SLIT1: variants seen among roughly 807,000 people sequenced by gnomAD.
SLIT1 encodes slit guidance ligand 1.
In SLIT1, 66 loss-of-function variants were observed where a neutral mutation model predicts 186.1. The observed-to-expected ratio is 0.35, with a 90% confidence interval of 0.29 to 0.44. The LOEUF is 0.44. Ranked by LOEUF, SLIT1 falls within the 20% of genes least tolerant of loss-of-function variation. The pLI is 1.00. For missense variants in SLIT1, 1,638 were observed against 2,037.4 expected, an observed-to-expected ratio of 0.80 and a Z score of 3.77; for synonymous variants, 761 against 833.8, an observed-to-expected ratio of 0.91 and a Z score of 1.50.
chr10:97,104,655 C>T (rs1364045770), intron 4 of SLIT1, among the ~76,000 whole-genome samples: 1 of 152,078 alleles, frequency 6.6e-6, no homozygotes, highest in Admixed American at 6.5e-5. Context: ...GCCCCCACCC[C>T]ACCACACGTG....
At chr10:97,019,599 T>G (rs922392839) in intron 26 of SLIT1, among the ~76,000 whole-genome samples, 2 of 152,174 alleles carry the variant, frequency 1.3e-5, no homozygotes, top group Non-Finnish European at 2.9e-5. Context: ...GCTCTGCAGG[T>G]TGGCCACACC....
intron 4 of SLIT1, among the ~76,000 whole-genome samples, chr10:97,096,377 G>A (rs1298884059): frequency 1.3e-5 from 2 of 151,408 alleles, no homozygotes; most frequent in East Asian, 1.9e-4. Context: ...TCACGCCCTC[G>A]AGCCCCCCCG....
chr10:97,168,720 A>G (rs2134734053), intron 1 of SLIT1, among the ~76,000 whole-genome samples: 1 of 152,236 alleles, frequency 6.6e-6, no homozygotes, highest in East Asian at 1.9e-4. Flanking sequence ...GGAGGAATAC[A>G]TTCCTGTAAA....
intron 4 of SLIT1, among the ~76,000 whole-genome samples, chr10:97,145,239 T>A (rs1022036913): frequency 6.6e-6 from 1 of 152,080 alleles, no homozygotes; most frequent in African/African-American, 2.4e-5. Context: ...CGCCTCAGCC[T>A]CCCAAGTAGC....
intron 4 of SLIT1, among the ~76,000 whole-genome samples, chr10:97,123,222 G>A (rs1849575242): frequency 6.6e-6 from 1 of 152,198 alleles, no homozygotes; most frequent in Non-Finnish European, 1.5e-5. Flanking sequence ...CTTCCCTAAA[G>A]GGATTGCCAA....
At chr10:97,144,211 G>T (rs1412385682) in intron 4 of SLIT1, among the ~76,000 whole-genome samples, 3 of 147,112 alleles carry the variant, frequency 2.0e-5, no homozygotes, top group African/African-American at 7.5e-5. Context: ...AAAAAAAAAA[G>T]ATTAGATTAA....
chr10:97,042,362 T>A (rs1369789790), intron 20 of SLIT1, among the ~76,000 whole-genome samples: 1 of 152,096 alleles, frequency 6.6e-6, no homozygotes, highest in African/African-American at 2.4e-5. Flanking sequence ...AAAAATCTGC[T>A]TCCTACAGTG....
At chr10:97,108,492 A>G (rs754910073) in intron 4 of SLIT1, among the ~76,000 whole-genome samples, 1 of 152,190 alleles carries the variant, frequency 6.6e-6, no homozygotes, top group Non-Finnish European at 1.5e-5. Flanking sequence ...GTGTGTCTGC[A>G]GTGCCCCCAG....
chr10:97,058,696 G>A (rs1848863851), intron 11 of SLIT1, among the ~76,000 whole-genome samples: 1 of 152,186 alleles, frequency 6.6e-6, no homozygotes, highest in Non-Finnish European at 1.5e-5. Context: ...TACTTGCCAG[G>A]CCTCTAGTCT....
Position 97,001,181 on chromosome 10 carries a change from G to A in SLIT1, c.4536C>T (p.Cys1512=). 6.2e-7 allele frequency: 1 copy of A among 1,613,302 alleles called. No homozygotes were observed. The highest frequency in any genetic ancestry group is 8.5e-7 in the Non-Finnish European group (1 of 1,179,868). The part of the protein sequence containing the change: ...RLKRRKFTFE[C]SDGTSFAEEV... ...CCTCGGCAAAAGAGGTCCCATCGCT[G>A]CACTCAAAGGTGAACTTCCTCCGCT... is the stretch of plus-strand genomic sequence containing the variant. Residue 1512 remains cysteine (C), a synonymous_variant, in exon 37 of 37, where the codon TGC becomes TGT. Transcript: ENST00000266058.
intron 14 of SLIT1, 96 bp from the exon 15 acceptor site, chr10:97,048,092 C>T: frequency 4.4e-6 from 6 of 1,367,496 alleles, no homozygotes; most frequent in Non-Finnish European, 5.2e-6. Context: ...GAAGGCACCC[C>T]AGACAGGGCT....
At position 97,057,297 on chromosome 10, in the gene SLIT1, C is replaced by T; in HGVS notation, c.1086-16G>A. The T allele has an allele frequency of 6.2e-7, 1 of 1,612,236 alleles. No homozygotes were observed. The stretch of plus-strand genomic sequence containing the variant: ...ATAGAGGACCCTGGAGAAAAGGCAG[C>T]AGAGAGGAGGGTTAGAGGACAGCCC... On this transcript the variant is annotated splice_polypyrimidine_tract_variant and intron_variant, in intron 11 of 36. Coordinates refer to ENST00000266058, the MANE Select transcript of SLIT1 (RefSeq NM_003061.3).
In SLIT1 at chr10:97,184,042, A is replaced by G. The variant is rs1449846062; in HGVS notation, c.197+1436T>C. Among the ~76,000 whole-genome samples, 1 of 151,236 alleles carries G rather than the reference A, an allele frequency of 6.6e-6. No individual in the cohort carries two copies. The highest frequency in any genetic ancestry group is 1.5e-5 in the Non-Finnish European group (1 of 67,760). The stretch of plus-strand genomic sequence containing the variant: ...ACCACACACACACACACACACACAC[A>G]CACACACACACACACACTTCCCATC... On this transcript the variant is annotated intron_variant, in intron 1 of 36. Coordinates refer to ENST00000266058, the MANE Select transcript of SLIT1 (RefSeq NM_003061.3). The surrounding 1 kb of genome is among the most constrained non-coding windows in gnomAD (Gnocchi z 4.4).
chr10:97,038,439 A>G (rs1356117214), intron 21 of SLIT1, among the ~76,000 whole-genome samples: 1 of 151,794 alleles, frequency 6.6e-6, no homozygotes, highest in Non-Finnish European at 1.5e-5. Flanking sequence ...TCTGGCCTCC[A>G]CTCTACTCAC....
At chr10:97,123,424 T>C (rs111769447) in intron 4 of SLIT1, among the ~76,000 whole-genome samples, 3 of 152,304 alleles carry the variant, frequency 2.0e-5, no homozygotes, top group African/African-American at 7.2e-5. Context: ...GACTGGGCCA[T>C]TCCTTTCCTC....
intron 4 of SLIT1, among the ~76,000 whole-genome samples, chr10:97,086,710 GGAGA>G (rs1849163583): frequency 6.6e-6 from 1 of 152,138 alleles, no homozygotes; most frequent in African/African-American, 2.4e-5. Flanking sequence ...GCAAAATTAT[GGAGA>G]GAGTAAAAAA....
intron 4 of SLIT1, among the ~76,000 whole-genome samples, chr10:97,101,790 C>G (rs1849356858): frequency 6.6e-6 from 1 of 152,232 alleles, no homozygotes. Flanking sequence ...GTTTGCATGT[C>G]TGGTGTGTTG....
chr10:97,158,086 C>T (rs41299153), intron 3 of SLIT1, among the ~76,000 whole-genome samples, 197 bp from the exon 4 acceptor site: 7,761 of 152,228 alleles, frequency 0.051, 249 homozygotes, highest in South Asian at 0.13. Flanking sequence ...CCACCCAGCA[C>T]GAGGGGAGGA....
chr10:97,036,897 G>A (rs1485069914), intron 22 of SLIT1, among the ~76,000 whole-genome samples: 6 of 152,172 alleles, frequency 3.9e-5, no homozygotes, highest in Non-Finnish European at 8.8e-5. Flanking sequence ...AAAAGCAGAG[G>A]CGTAGCCTGA....
Sources: gnomAD v4.1 joint callset for allele counts (sites outside exome capture counted in the v4.1 genomes callset) on GRCh38, gnomAD v4.1.1 for gene constraint, Gnocchi (gnomAD v3.1) non-coding constraint, MANE v1.5 for transcripts, NCBI Gene and HGNC (gene_info 2026-07-23, HGNC 2026-07-21) for gene names.